NT5C3A: variants seen among roughly 807,000 people sequenced by gnomAD.
The protein encoded by NT5C3A is cytosolic 5'-nucleotidase 3A.
NT5C3A carries 23 observed loss-of-function variants against 40.0 expected under a neutral mutation model. The ratio of observed to expected loss-of-function variants is 0.58; its 90% CI spans 0.41 to 0.81. The LOEUF is 0.81. NT5C3A is among the 40% of genes least tolerant of loss of function. NT5C3A has a pLI of 0.00. For missense variants in NT5C3A, 328 were observed against 403.0 expected, an observed-to-expected ratio of 0.81 and a Z score of 1.59; for synonymous variants, 130 against 141.4, an observed-to-expected ratio of 0.92 and a Z score of 0.57.
At chr7:33,029,704 T>C in intron 1 of NT5C3A, 5 of 1,288,514 alleles carry the variant, frequency 3.9e-6, no homozygotes, top group Non-Finnish European at 5.1e-6. Flanking sequence ...AGAAGGCTGG[T>C]TTCTGCTACA....
In NT5C3A at chr7:33,062,761, T is replaced by C; in HGVS notation, c.-56A>G. The C allele has an allele frequency of 1.9e-6, 3 of 1,548,082 alleles. No homozygotes were observed. Among genetic ancestry groups the C allele is most frequent in the Non-Finnish European group, 2.6e-6 (3 of 1,146,364 alleles). On this transcript the variant is annotated 5_prime_UTR_variant, in exon 1 of 9. Coordinates refer to ENST00000610140, the MANE Select transcript of NT5C3A (RefSeq NM_001002010.5). ...AAAAAAACAGGCAGCTCGCGTAGACTGCGAGTCTCGGAAGCGCGGGATCCC... is the reference window on the plus strand; with the variant it reads ...AAAAAAACAGGCAGCTCGCGTAGACCGCGAGTCTCGGAAGCGCGGGATCCC...
chr7:33,036,399 C>G, intron 1 of NT5C3A: 1 of 235,424 alleles, frequency 4.2e-6, no homozygotes, highest in East Asian at 1.0e-4. Context: ...TTCGGGAGTG[C>G]AATGAGGCAA....
rs184557968 is a variant in NT5C3A at position 33,045,059 on chromosome 7, C to T, written c.138+17509G>A. On this transcript the variant is annotated intron_variant, in intron 1 of 8. Coordinates refer to ENST00000610140, the MANE Select transcript of NT5C3A (RefSeq NM_001002010.5). ...GGGCTACTATAATCCAATTACCTTTCCAACAAGGAATGTATTTTTAAACTT... is the reference window on the plus strand; with the variant it reads ...GGGCTACTATAATCCAATTACCTTTTCAACAAGGAATGTATTTTTAAACTT... 9.2e-5 allele frequency among the ~76,000 whole-genome samples: 14 copies of T among 152,312 alleles called. No individual in the cohort carries two copies. The East Asian group carries it at 2.7e-3, about 29-fold the overall frequency.
At chr7:33,017,804 A>ATT (rs1785419390) in intron 6 of NT5C3A, among the ~76,000 whole-genome samples, 1 of 152,232 alleles carries the variant, frequency 6.6e-6, no homozygotes, top group African/African-American at 2.4e-5. Context: ...TTTCCCTTTA[A>ATT]TCAATTCTAA....
chr7:33,015,631 AT>A (rs1482225389), intron 8 of NT5C3A, 38 bp downstream of exon 8: 1 of 1,339,496 alleles, frequency 7.5e-7, no homozygotes, highest in East Asian at 2.3e-5. Flanking sequence ...TTTCATCCTA[AT>A]ATTTTCTTCG....
At position 33,021,256 on chromosome 7, in the gene NT5C3A, C is replaced by T; in HGVS notation, c.440+16G>A. ...TTATTTTTTTTTAATCCTCCTACTG[C>T]CTAATATACACTTACCATTCCACCA... On this transcript the variant is annotated intron_variant, in intron 5 of 8. Coordinates refer to ENST00000610140, the MANE Select transcript of NT5C3A (RefSeq NM_001002010.5). 6.2e-7 allele frequency: 1 copy of T among 1,611,310 alleles called. No homozygotes were observed. Among genetic ancestry groups the T allele is most frequent in the Non-Finnish European group, 8.5e-7 (1 of 1,178,420 alleles).
intron 1 of NT5C3A, among the ~76,000 whole-genome samples, chr7:33,047,928 T>C (rs1252032277): frequency 6.6e-6 from 1 of 152,194 alleles, no homozygotes; most frequent in Admixed American, 6.5e-5. Context: ...CAAGTGATCC[T>C]CCTGCCTCAG....
chr7:33,021,940 T>C (rs1785647808), intron 4 of NT5C3A, 113 bp downstream of exon 4: 1 of 713,650 alleles, frequency 1.4e-6, no homozygotes, highest in South Asian at 1.5e-5. Flanking sequence ...GTGCCAGGTA[T>C]GGCTGTAAGC....
chr7:33,033,901 T>C (rs1468190620), intron 1 of NT5C3A, among the ~76,000 whole-genome samples: 1 of 140,416 alleles, frequency 7.1e-6, no homozygotes, highest in Non-Finnish European at 1.6e-5. Flanking sequence ...TATAATTTTT[T>C]TTTTTTTTGA....
chr7:33,055,322 A>G (rs1337435494), intron 1 of NT5C3A, among the ~76,000 whole-genome samples: 5 of 151,906 alleles, frequency 3.3e-5, no homozygotes, highest in African/African-American at 7.2e-5. Context: ...GGTGTCGGAA[A>G]AAAAAAAAAA....
intron 1 of NT5C3A, among the ~76,000 whole-genome samples, chr7:33,052,335 T>C (rs555585342): frequency 6.6e-6 from 1 of 150,884 alleles, no homozygotes; most frequent in South Asian, 2.1e-4. Context: ...AATACAAAAT[T>C]AGCCAGGCGT....
At chr7:33,044,421 A>G (rs1340821385) in intron 1 of NT5C3A, among the ~76,000 whole-genome samples, 2 of 152,194 alleles carry the variant, frequency 1.3e-5, no homozygotes, top group African/African-American at 4.8e-5. Context: ...TAGAAAGGAT[A>G]TGGAAGTACG....
Position 33,015,700 on chromosome 7 carries a change from G to A in NT5C3A, c.864C>T (p.His288=). 6.2e-7 allele frequency: 1 copy of A among 1,609,784 alleles called. No homozygotes were observed. Among genetic ancestry groups the A allele is most frequent in the Non-Finnish European group, 8.5e-7 (1 of 1,176,652 alleles). ...CATTTAGATATCCAATTTTCAGAAT[G>A]TGCTCAACATTGGCCACTCCATCTG... ...RMADGVANVE[H]ILKIGYLNDR... Residue 288 remains histidine, a synonymous_variant, in exon 8 of 9, where the codon CAC becomes CAT. Coordinates refer to ENST00000610140, the MANE Select transcript of NT5C3A (RefSeq NM_001002010.5).
At chr7:33,056,472 CCAAAAAAAAAAAAAAA>C (rs1787573499) in intron 1 of NT5C3A, among the ~76,000 whole-genome samples, 1 of 53,776 alleles carries the variant, frequency 1.9e-5, no homozygotes, top group Non-Finnish European at 3.5e-5. Flanking sequence ...CCCGTCTCTA[CCAAAAAAAAAAAAAAA>C]AAAAAAAAAA....
intron 1 of NT5C3A, among the ~76,000 whole-genome samples, chr7:33,037,457 C>T (rs748579671): frequency 1.3e-5 from 2 of 152,020 alleles, no homozygotes; most frequent in African/African-American, 4.8e-5. Flanking sequence ...TAGTTGAAAG[C>T]GAGAACATAT....
chr7:33,019,126 A>C (rs1785492791), intron 6 of NT5C3A, among the ~76,000 whole-genome samples: 2 of 152,016 alleles, frequency 1.3e-5, no homozygotes, highest in Admixed American at 1.3e-4. Context: ...ATGGTGGTGC[A>C]TGACTGTAGT....
chr7:33,055,370 C>T (rs10251079), intron 1 of NT5C3A, among the ~76,000 whole-genome samples: 104,746 of 152,000 alleles, frequency 0.69, 36,339 homozygotes, highest in Admixed American at 0.72. Context: ...TTCTCTACTG[C>T]TGTATTATAA....
chr7:33,019,731 T>A lies in NT5C3A; in HGVS notation c.441-7A>T. ...ACCATGTGATTTAGTATACCTGGAG[T>A]TTATGACCAAAGGAAAAAAGACTAT... On this transcript the variant is annotated splice_polypyrimidine_tract_variant and splice_region_variant and intron_variant, in intron 5 of 8. Transcript: ENST00000610140. 1.3e-6 allele frequency: 2 copies of A among 1,519,600 alleles called. No homozygotes were observed. Among genetic ancestry groups the A allele is most frequent in the South Asian group, 1.1e-5 (1 of 89,124 alleles). The allele number at this position is 1,519,600 out of a possible 1,614,324, so 94.1% of individuals were successfully genotyped here. A position where few individuals can be genotyped will look rare whatever the true frequency, so the allele number is the denominator to read the frequency against.
chr7:33,029,662 C>T (rs1182035627), intron 1 of NT5C3A: 46 of 1,289,804 alleles, frequency 3.6e-5, no homozygotes, highest in South Asian at 4.9e-5. Context: ...TTTTTGATAA[C>T]GGATAGGAGA....
Sources: gnomAD v4.1 joint callset for allele counts (sites outside exome capture counted in the v4.1 genomes callset) on GRCh38, gnomAD v4.1.1 for gene constraint, MANE v1.5 for transcripts, NCBI Gene and HGNC (gene_info 2026-07-23, HGNC 2026-07-21) for gene names.